RGS6: variants seen among roughly 807,000 people sequenced by gnomAD.
The protein encoded by RGS6 is regulator of G protein signaling 6.
In RGS6, 30 loss-of-function variants were observed where a neutral mutation model predicts 78.5. The observed-to-expected ratio is 0.38, with a 90% CI of 0.29 to 0.52. The LOEUF (loss-of-function observed/expected upper bound fraction) is 0.52. Ranked by LOEUF, RGS6 falls within the 20% of genes least tolerant of loss-of-function variation. The pLI is 0.85. For missense variants in RGS6, 495 were observed against 609.7 expected (o/e 0.81, Z 1.98); for synonymous variants, 206 against 206.0 (o/e 1.00, Z 0.00).
intron 17 of RGS6, among the ~76,000 whole-genome samples, chr14:72,544,986 G>A (rs2097373052): frequency 6.6e-6 from 1 of 152,212 alleles, no homozygotes; most frequent in Admixed American, 6.5e-5. Context: ...CCAGGAAGGC[G>A]GTGTTGTTTT....
intron 2 of RGS6, among the ~76,000 whole-genome samples, chr14:72,105,753 C>G (rs2095619905): frequency 6.6e-6 from 1 of 152,180 alleles, no homozygotes; most frequent in African/African-American, 2.4e-5. Flanking sequence ...AGTTGATAAT[C>G]TGTGTGACCA....
chr14:72,377,695 C>G (rs561627918), intron 3 of RGS6, among the ~76,000 whole-genome samples: 1 of 152,108 alleles, frequency 6.6e-6, no homozygotes, highest in East Asian at 1.9e-4. Flanking sequence ...AAAATTATGG[C>G]CAGGCATGGT....
chr14:72,368,965 T>C (rs2082939910), intron 3 of RGS6, among the ~76,000 whole-genome samples: 1 of 152,184 alleles, frequency 6.6e-6, no homozygotes, highest in Non-Finnish European at 1.5e-5. Flanking sequence ...TTGACTTCCC[T>C]GGGCCACACT....
intron 3 of RGS6, among the ~76,000 whole-genome samples, chr14:72,353,673 C>G (rs1702950740): frequency 6.6e-6 from 1 of 152,018 alleles, no homozygotes; most frequent in Non-Finnish European, 1.5e-5. Flanking sequence ...TAACATGACT[C>G]TATACATAGG....
At chr14:72,540,723 A>G (rs2097314074) in intron 17 of RGS6, 1 of 1,328,536 alleles carries the variant, frequency 7.5e-7, no homozygotes, top group Non-Finnish European at 9.9e-7. Context: ...GGAGGGAAGT[A>G]GCTGAATCCC....
intron 3 of RGS6, among the ~76,000 whole-genome samples, chr14:72,386,805 AAAT>A (rs1388813090): frequency 2.6e-5 from 4 of 152,250 alleles, no homozygotes; most frequent in African/African-American, 9.6e-5. Flanking sequence ...TTGTGCTTAA[AAAT>A]AATCTCAGAA....
intron 2 of RGS6, among the ~76,000 whole-genome samples, chr14:72,241,343 C>T (rs768978832): frequency 6.6e-6 from 1 of 152,180 alleles, no homozygotes. Context: ...TCTGAAAATA[C>T]TTTAAATCCT....
intron 3 of RGS6, among the ~76,000 whole-genome samples, chr14:72,415,690 G>C (rs577896872): frequency 1.3e-5 from 2 of 152,014 alleles, no homozygotes; most frequent in African/African-American, 4.8e-5. Flanking sequence ...CCACCCCCCC[G>C]GCAACTGCCT....
At chr14:72,364,774 A>G (rs1055548385) in intron 3 of RGS6, among the ~76,000 whole-genome samples, 6 of 152,236 alleles carry the variant, frequency 3.9e-5, no homozygotes, top group African/African-American at 1.2e-4. Context: ...AGGCAAGAAG[A>G]TGGAGACCAA....
At chr14:72,032,987 C>T (rs1005449541) in intron 2 of RGS6, among the ~76,000 whole-genome samples, 3 of 152,090 alleles carry the variant, frequency 2.0e-5, no homozygotes, top group Non-Finnish European at 4.4e-5. Flanking sequence ...CTTACAGTTA[C>T]GTCCTGATAA....
chr14:72,368,953 T>G (rs1328533349), intron 3 of RGS6, among the ~76,000 whole-genome samples: 1 of 152,190 alleles, frequency 6.6e-6, no homozygotes, highest in East Asian at 1.9e-4. Flanking sequence ...GTGTCTAATC[T>G]TTTGACTTCC....
intron 2 of RGS6, among the ~76,000 whole-genome samples, chr14:72,300,038 A>G (rs1290617626): frequency 2.0e-5 from 3 of 151,948 alleles, no homozygotes; most frequent in African/African-American, 4.8e-5. Flanking sequence ...CCTGAGTTTA[A>G]TTTGCTCCTC....
chr14:72,386,619 G>C (rs373170327), intron 3 of RGS6, among the ~76,000 whole-genome samples: 1 of 152,144 alleles, frequency 6.6e-6, no homozygotes. Flanking sequence ...TGAGCAAAGG[G>C]CCAAGGCAAG....
chr14:71,930,735 C>T (rs2087801991), upstream of RGS6, among the ~76,000 whole-genome samples: 1 of 151,888 alleles, frequency 6.6e-6, no homozygotes, highest in African/African-American at 2.4e-5. Flanking sequence ...GTAATCCCAG[C>T]ACTTTGGGTG....
chr14:71,996,880 G>C (rs2095225912), intron 2 of RGS6, among the ~76,000 whole-genome samples: 1 of 152,148 alleles, frequency 6.6e-6, no homozygotes, highest in African/African-American at 2.4e-5. Context: ...TGCAGTTCTG[G>C]GAACTGTTAG....
At chr14:72,372,750 G>T (rs896291464) in intron 3 of RGS6, among the ~76,000 whole-genome samples, 6 of 152,188 alleles carry the variant, frequency 3.9e-5, no homozygotes, top group Admixed American at 3.9e-4. Flanking sequence ...ATGATTAGGG[G>T]TCCTACAAGA....
intron 2 of RGS6, among the ~76,000 whole-genome samples, chr14:72,301,482 T>C (rs934600387): frequency 1.3e-5 from 2 of 152,176 alleles, no homozygotes; most frequent in African/African-American, 4.8e-5. Flanking sequence ...AAGCTAAAAC[T>C]GTGATCCTGT....
intron 2 of RGS6, among the ~76,000 whole-genome samples, chr14:72,047,972 C>T (rs1225583937): frequency 7.0e-6 from 1 of 142,970 alleles, no homozygotes; most frequent in Non-Finnish European, 1.5e-5. Flanking sequence ...GAACTCCTGA[C>T]AAACTTCAGA....
At chr14:72,297,180 A>T (rs1401083861) in intron 2 of RGS6, among the ~76,000 whole-genome samples, 3 of 152,026 alleles carry the variant, frequency 2.0e-5, no homozygotes, top group Non-Finnish European at 4.4e-5. Flanking sequence ...TTGTATGTTT[A>T]TAGTTAATCA....
Sources: allele counts gnomAD v4.1 joint callset (sites outside exome capture counted in the v4.1 genomes callset), GRCh38; gene constraint gnomAD v4.1.1; transcripts MANE v1.5; gene names NCBI Gene and HGNC (gene_info 2026-07-23, HGNC 2026-07-21).